PARN: variants seen among roughly 807,000 people sequenced by gnomAD.
PARN encodes poly(A)-specific ribonuclease PARN.
Under a neutral mutation model 102.8 loss-of-function variants are expected in PARN, and 71 were observed. The observed-to-expected ratio is 0.69, with a 90% CI of 0.57 to 0.84. The LOEUF (loss-of-function observed/expected upper bound fraction) is 0.84. Among genes scored for constraint, PARN ranks in the 40% least tolerant of loss-of-function variants. PARN has a pLI of 0.00. For missense variants in PARN, 782 were observed against 760.9 expected (o/e 1.03, Z -0.33); for synonymous variants, 261 against 252.9 (o/e 1.03, Z -0.30).
Position 14,554,246 on chromosome 16 carries a change from G to A in PARN, c.1319-95C>T, listed in dbSNP as rs1967514795. On this transcript the variant is annotated intron_variant, in intron 19 of 23. Transcript: ENST00000437198. Reference sequence around the variant, plus strand: ...GAAACTAAGTCTGAGCTAATTTGGAGAACTGTTATGAATTCCTCATGATTA... The same window carrying A: ...GAAACTAAGTCTGAGCTAATTTGGAAAACTGTTATGAATTCCTCATGATTA... 5.2e-6 allele frequency: 4 copies of A among 768,882 alleles called. No individual in the cohort carries two copies. The Admixed American group carries it at 7.7e-5, about 15-fold the overall frequency. The allele number at this position is 768,882 out of a possible 1,614,324, so 47.6% of individuals were successfully genotyped here.
At chr16:14,595,371 CTTAT>C (rs768207097) in intron 12 of PARN, among the ~76,000 whole-genome samples, 10 of 151,944 alleles carry the variant, frequency 6.6e-5, no homozygotes, top group Non-Finnish European at 1.3e-4. Flanking sequence ...CACACACACA[CTTAT>C]TTATTTAGAG....
chr16:14,497,279 A>G (rs1964365871), intron 21 of PARN, among the ~76,000 whole-genome samples: 1 of 152,142 alleles, frequency 6.6e-6, no homozygotes, highest in Admixed American at 6.5e-5. Flanking sequence ...CATTCAAAAC[A>G]GCATTTCTAT....
chr16:14,552,714 C>T (rs1245369301), intron 20 of PARN, among the ~76,000 whole-genome samples: 1 of 152,072 alleles, frequency 6.6e-6, no homozygotes, highest in African/African-American at 2.4e-5. Flanking sequence ...TTTGGGAGGC[C>T]GAGGTGGGAG....
intron 7 of PARN, among the ~76,000 whole-genome samples, chr16:14,609,629 G>T (rs1318831099): frequency 6.6e-6 from 1 of 152,146 alleles, no homozygotes; most frequent in Admixed American, 6.5e-5. Context: ...GGGGAAGAGG[G>T]TTACTGCTGC....
intron 12 of PARN, among the ~76,000 whole-genome samples, chr16:14,595,853 A>AG: frequency 6.6e-6 from 1 of 150,634 alleles, no homozygotes; most frequent in Admixed American, 6.6e-5. Flanking sequence ...TTTTGTAGAG[A>AG]GGGGGTCTCC....
At chr16:14,439,920 C>T (rs1023741839) in intron 23 of PARN, among the ~76,000 whole-genome samples, 2 of 152,126 alleles carry the variant, frequency 1.3e-5, no homozygotes, top group South Asian at 4.1e-4. Context: ...GAGGCTGAGG[C>T]AGGAGAATAG....
chr16:14,473,889 G>A (rs911215986), intron 22 of PARN, among the ~76,000 whole-genome samples: 1 of 152,212 alleles, frequency 6.6e-6, no homozygotes, highest in Non-Finnish European at 1.5e-5. Flanking sequence ...CACAGTGCTA[G>A]TAGTTTCCAA....
In PARN at chr16:14,481,568, C is replaced by T. The variant is rs982028173; in HGVS notation, c.1670+1070G>A. Reference sequence around the variant, plus strand: ...TGGTTGGAGATTATATGAGTGTATCCAACTGTTAAAACTCTTTGAACTAAA... The same window carrying T: ...TGGTTGGAGATTATATGAGTGTATCTAACTGTTAAAACTCTTTGAACTAAA... On this transcript the variant is annotated intron_variant, in intron 22 of 23. Transcript: ENST00000437198. 2.6e-5 allele frequency among the ~76,000 whole-genome samples: 4 copies of T among 152,202 alleles called. No individual in the cohort carries two copies. The East Asian group carries it at 7.7e-4, about 29-fold the overall frequency.
chr16:14,526,657 C>T (rs1041336742), intron 21 of PARN, among the ~76,000 whole-genome samples: 1 of 152,188 alleles, frequency 6.6e-6, no homozygotes, highest in African/African-American at 2.4e-5. Flanking sequence ...GGAGATTCAT[C>T]TGCAGAAAAT....
chr16:14,443,551 C>A (rs1331347892), intron 23 of PARN, among the ~76,000 whole-genome samples: 1 of 152,122 alleles, frequency 6.6e-6, no homozygotes, highest in African/African-American at 2.4e-5. Flanking sequence ...GTTGGCCAGG[C>A]TGGTCTTGAA....
chr16:14,498,287 TGGGA>T (rs1964424269), intron 21 of PARN, among the ~76,000 whole-genome samples: 1 of 152,112 alleles, frequency 6.6e-6, no homozygotes, highest in African/African-American at 2.4e-5. Context: ...TCATGGCCCC[TGGGA>T]GGGAGGGTGT....
At chr16:14,629,545 G>A in intron 2 of PARN, 52 bp downstream of exon 2, 1 of 1,298,858 alleles carries the variant, frequency 7.7e-7, no homozygotes, top group Non-Finnish European at 1.1e-6. Context: ...GATTGAAGGA[G>A]CCTTGGCTAT....
intron 21 of PARN, among the ~76,000 whole-genome samples, chr16:14,517,567 A>G (rs118111202): frequency 0.018 from 2,761 of 152,354 alleles, 34 homozygotes; most frequent in Middle Eastern, 0.027. Context: ...AGGACATCTG[A>G]AAAATAGAAT....
intron 21 of PARN, among the ~76,000 whole-genome samples, chr16:14,533,677 C>T (rs888205249): frequency 2.6e-5 from 4 of 152,108 alleles, no homozygotes; most frequent in South Asian, 2.1e-4. Context: ...AACTTATGAC[C>T]GGAGGGTGAG....
At position 14,586,330 on chromosome 16, in the gene PARN, CAT is replaced by C. The variant is rs1461036243; in HGVS notation, c.948_949del (p.Val318PhefsTer8). The stretch of plus-strand genomic sequence containing the variant: ...AAAGAAAGCTTACCTGGGGAAAACA[CAT>C]GTTGTCATCTCTTTAAACTCACTTA... On this transcript the variant is annotated frameshift_variant, in exon 14 of 24. Coordinates refer to ENST00000437198, the MANE Select transcript of PARN (RefSeq NM_002582.4). LOFTEE classifies it high-confidence loss of function. 6.4e-7 allele frequency: 1 copy of C among 1,551,466 alleles called. No homozygotes were observed. The highest frequency in any genetic ancestry group is 8.8e-7 in the Non-Finnish European group (1 of 1,142,510).
intron 22 of PARN, among the ~76,000 whole-genome samples, chr16:14,472,941 G>C (rs1260004452): frequency 2.0e-5 from 3 of 152,164 alleles, no homozygotes; most frequent in Non-Finnish European, 4.4e-5. Flanking sequence ...GCTGCATCCT[G>C]ATTGTCATCT....
intron 9 of PARN, among the ~76,000 whole-genome samples, chr16:14,607,251 C>G (rs930161738): frequency 6.6e-6 from 1 of 152,126 alleles, no homozygotes; most frequent in Non-Finnish European, 1.5e-5. Context: ...CTCTGCCACT[C>G]AGGCTGGAGT....
chr16:14,575,951 A>C (rs1969107734), intron 18 of PARN: 1 of 152,586 alleles, frequency 6.6e-6, no homozygotes, highest in Non-Finnish European at 1.5e-5. Flanking sequence ...TGATGGTTTT[A>C]AAAATGGGAG....
intron 18 of PARN, among the ~76,000 whole-genome samples, chr16:14,571,184 G>A (rs1051463073): frequency 1.3e-5 from 2 of 152,116 alleles, no homozygotes; most frequent in African/African-American, 2.4e-5. Flanking sequence ...AGGAGTTCAA[G>A]ACCAGCCTAG....
Sources: gnomAD v4.1 joint callset for allele counts (sites outside exome capture counted in the v4.1 genomes callset) on GRCh38, gnomAD v4.1.1 for gene constraint, MANE v1.5 for transcripts, NCBI Gene and HGNC (gene_info 2026-07-23, HGNC 2026-07-21) for gene names.